Variants in DOCK1 observed in about 807,000 individuals in gnomAD.
DOCK1 encodes the protein dedicator of cytokinesis protein 1.
DOCK1 carries 138 observed loss-of-function variants against 262.7 expected under a neutral mutation model. The ratio of observed to expected loss-of-function variants is 0.53; its 90% CI spans 0.46 to 0.61. The LOEUF is 0.61. Among genes scored for constraint, DOCK1 ranks in the 20% least tolerant of loss-of-function variants. The pLI is 0.00. For missense variants in DOCK1, 1,908 were observed against 2,370.7 expected (o/e 0.80, Z 4.05); for synonymous variants, 866 against 867.4 (o/e 1.00, Z 0.03).
intron 2 of DOCK1, among the ~76,000 whole-genome samples, chr10:126,974,940 A>G (rs2038402716): frequency 1.3e-5 from 2 of 152,072 alleles, no homozygotes; most frequent in Admixed American, 6.6e-5. Context: ...TCGACTGCCT[A>G]TGAACATTAA....
At chr10:127,381,007 TTG>T (rs2065795357) in intron 36 of DOCK1, among the ~76,000 whole-genome samples, 1 of 152,220 alleles carries the variant, frequency 6.6e-6, no homozygotes, top group African/African-American at 2.4e-5. Context: ...CAATCAAGTA[TTG>T]TGTGTCTCAT....
At chr10:127,247,309 CCCA>C (rs2059463969) in intron 27 of DOCK1, among the ~76,000 whole-genome samples, 1 of 152,160 alleles carries the variant, frequency 6.6e-6, no homozygotes, top group South Asian at 2.1e-4. Context: ...TCCCAGCTCT[CCCA>C]CTTGACATTC....
chr10:127,362,679 GT>G (rs2064532683), intron 33 of DOCK1, among the ~76,000 whole-genome samples: 1 of 152,142 alleles, frequency 6.6e-6, no homozygotes, highest in African/African-American at 2.4e-5. Context: ...CTCTAAGAAA[GT>G]GTATATAAAG....
At chr10:127,169,127 G>A (rs181277642) in intron 27 of DOCK1, among the ~76,000 whole-genome samples, 28 of 152,266 alleles carry the variant, frequency 1.8e-4, no homozygotes, top group African/African-American at 6.5e-4. Context: ...GGGAGAATGA[G>A]ACCTTTTTCA....
intron 13 of DOCK1, among the ~76,000 whole-genome samples, chr10:127,021,528 G>T (rs2042421549): frequency 6.6e-6 from 1 of 152,180 alleles, no homozygotes; most frequent in African/African-American, 2.4e-5. Flanking sequence ...AGAGATCATG[G>T]AGTTTATGCC....
At chr10:126,969,064 TA>T (rs1322504494) in intron 1 of DOCK1, among the ~76,000 whole-genome samples, 1 of 152,026 alleles carries the variant, frequency 6.6e-6, no homozygotes, top group African/African-American at 2.4e-5. Context: ...TTGATAGCAG[TA>T]AAAAAAATAC....
intron 27 of DOCK1, among the ~76,000 whole-genome samples, chr10:127,170,123 GGT>G (rs1416473704): frequency 6.6e-6 from 1 of 151,978 alleles, no homozygotes; most frequent in African/African-American, 2.4e-5. Context: ...CCCATGATGG[GGT>G]GGCAGGGATG....
At chr10:126,924,039 C>T (rs188882940) in intron 1 of DOCK1, among the ~76,000 whole-genome samples, 1 of 152,036 alleles carries the variant, frequency 6.6e-6, no homozygotes, top group Admixed American at 6.6e-5. Context: ...TATGGCAGCC[C>T]GAACAGAGGT....
At position 127,450,127 on chromosome 10, in the gene DOCK1, C is replaced by G. The variant is rs372905756; in HGVS notation, c.5566-1205C>G. Among the ~76,000 whole-genome samples, 24 of 152,228 alleles carry G rather than the reference C, an allele frequency of 1.6e-4. No individual in the cohort carries two copies. The South Asian group carries it at 4.2e-3, about 26-fold the overall frequency. On this transcript the variant is annotated intron_variant, in intron 51 of 51. Transcript: ENST00000623213. ...AAGACTTAATTGTTGTTTTACCTTC[C>G]TTAATATAAGGTCATACACTCATAG...
chr10:127,061,894 ATGTCAGAGATC>A (rs1458782735), intron 23 of DOCK1, 118 bp downstream of exon 23: 1 of 525,556 alleles, frequency 1.9e-6, no homozygotes, highest in African/African-American at 2.2e-5. Context: ...ATAGTTGTTA[ATGTCAGAGATC>A]TCAATTTGAT....
At chr10:127,248,499 T>C (rs1042075498) in intron 28 of DOCK1, among the ~76,000 whole-genome samples, 3 of 152,228 alleles carry the variant, frequency 2.0e-5, no homozygotes, top group Non-Finnish European at 2.9e-5. Context: ...ACTTTTCAGC[T>C]TTAAGTTGTA....
intron 27 of DOCK1, among the ~76,000 whole-genome samples, chr10:127,168,762 C>T (rs2054302194): frequency 6.6e-6 from 1 of 152,202 alleles, no homozygotes; most frequent in Non-Finnish European, 1.5e-5. Context: ...GCCTGGGAAG[C>T]CAGGAAATCA....
chr10:127,168,686 C>T (rs1240939150), intron 27 of DOCK1, among the ~76,000 whole-genome samples: 1 of 152,196 alleles, frequency 6.6e-6, no homozygotes, highest in African/African-American at 2.4e-5. Flanking sequence ...CTAGAGAGTG[C>T]ATAGCCAAAT....
At chr10:127,424,587 G>T (rs926804951) in intron 46 of DOCK1, among the ~76,000 whole-genome samples, 1 of 152,182 alleles carries the variant, frequency 6.6e-6, no homozygotes. Context: ...AGTTGTCCCG[G>T]TCTGTCTGCG....
chr10:127,350,651 C>T (rs137939074), intron 31 of DOCK1, among the ~76,000 whole-genome samples: 5 of 152,196 alleles, frequency 3.3e-5, no homozygotes, highest in African/African-American at 4.8e-5. Context: ...TATTAATGTT[C>T]GTCTCTCCTA....
Position 127,365,346 on chromosome 10 carries a change from GT to G in DOCK1, c.3432+3136del, listed in dbSNP as rs1169870844. Among the ~76,000 whole-genome samples the G allele has an allele frequency of 7.2e-5, 11 of 152,310 alleles. No homozygotes were observed. In the East Asian group the frequency reaches 2.1e-3, roughly 29 times the overall value. Reference sequence around the variant, plus strand: ...TGAAATTATTGCCAAATGGTTTGATGTTAATACGATAAGATTTGCCCCATCT... The same window carrying G: ...TGAAATTATTGCCAAATGGTTTGATGTAATACGATAAGATTTGCCCCATCT... On this transcript the variant is annotated intron_variant, in intron 33 of 51. Transcript: ENST00000623213.
At chr10:127,367,247 T>G (rs935826195) in intron 33 of DOCK1, among the ~76,000 whole-genome samples, 12 of 152,192 alleles carry the variant, frequency 7.9e-5, no homozygotes, top group Non-Finnish European at 1.5e-4. Flanking sequence ...CATTAGAACG[T>G]TCTTTCCCTT....
chr10:127,423,990 C>G (rs1264731215), intron 46 of DOCK1, among the ~76,000 whole-genome samples: 1 of 152,196 alleles, frequency 6.6e-6, no homozygotes, highest in African/African-American at 2.4e-5. Flanking sequence ...AGGTGGGGTT[C>G]AGGAATCCAC....
intron 27 of DOCK1, among the ~76,000 whole-genome samples, chr10:127,217,001 G>C (rs945574621): frequency 6.6e-6 from 1 of 152,136 alleles, no homozygotes; most frequent in Non-Finnish European, 1.5e-5. Flanking sequence ...CAGAGCCCTT[G>C]CTTTTTAGTT....
Sources: allele counts gnomAD v4.1 joint callset (sites outside exome capture counted in the v4.1 genomes callset), GRCh38; gene constraint gnomAD v4.1.1; transcripts MANE v1.5; gene names NCBI Gene and HGNC (gene_info 2026-07-23, HGNC 2026-07-21).